Variants in NUP210 observed in about 807,000 individuals in gnomAD.
NUP210 encodes the protein nuclear pore membrane glycoprotein 210.
Under a neutral mutation model 196.0 loss-of-function variants are expected in NUP210, and 151 were observed. The observed-to-expected ratio is 0.77, with a 90% CI of 0.67 to 0.88. The LOEUF is 0.88. NUP210 is among the 40% of genes least tolerant of loss of function. The pLI is 0.00. For synonymous variants in NUP210, 1,070 were observed against 1,052.7 expected, an observed-to-expected ratio of 1.02 and a Z score of -0.32; for missense variants, 2,314 against 2,493.7, an observed-to-expected ratio of 0.93 and a Z score of 1.53.
In NUP210 at chr3:13,351,915, GACA is replaced by G; in HGVS notation, c.2796_2798del (p.Val933del). 1 of 1,613,898 alleles carries G rather than the reference GACA, an allele frequency of 6.2e-7. No homozygotes were observed. The highest frequency in any genetic ancestry group is 8.5e-7 in the Non-Finnish European group (1 of 1,179,830). Reference sequence around the variant, plus strand: ...CCCTGGCCTCCTGGTAGGCCACCTTGACAACATCTGCGGTGCTGGTGTTGAGGA... The same window carrying G: ...CCCTGGCCTCCTGGTAGGCCACCTTGACATCTGCGGTGCTGGTGTTGAGGA... On this transcript the variant is annotated inframe_deletion, in exon 20 of 40. Transcript: ENST00000254508.
chr3:13,328,885 T>C lies in NUP210; in HGVS notation c.4172A>G (p.Glu1391Gly). The C allele has an allele frequency of 6.2e-7, 1 of 1,613,942 alleles. No individual in the cohort carries two copies. Among genetic ancestry groups the C allele is most frequent in the East Asian group, 2.2e-5 (1 of 44,848 alleles). The stretch of plus-strand genomic sequence containing the variant: ...TCCCAAAGGCACGGCCACCAGGGCC[T>C]CCTTGTTCTGGGTGTGCAGGACAGG... ...MSPVLHTQNK[E>G]ALVAVPLGMT... The change falls in exon 31 of 40, where the codon GAG becomes GGG. Residue 1391 changes from glutamate (E) to glycine (G), a missense_variant. Coordinates refer to ENST00000254508, the MANE Select transcript of NUP210 (RefSeq NM_024923.4).
intron 5 of NUP210, 41 bp downstream of exon 5, chr3:13,388,262 A>T: frequency 6.5e-7 from 1 of 1,536,722 alleles, no homozygotes; most frequent in Non-Finnish European, 8.8e-7. Flanking sequence ...GCCTGATTCC[A>T]CCCCAGGAAG....
Position 13,353,594 on chromosome 3 carries a change from T to C in NUP210, c.2588A>G (p.Tyr863Cys). ...GGCAGAGCTGAGGTGGGACTCCTGGTAGCCAGTGGCAGTGGCAGTGATGGC... is the reference window on the plus strand; with the variant it reads ...GGCAGAGCTGAGGTGGGACTCCTGGCAGCCAGTGGCAGTGGCAGTGATGGC... ...TTAITATATGYQESHLSSART... is the reference protein window; with the variant it reads ...TTAITATATGCQESHLSSART... Residue 863 changes from tyrosine (Y) to cysteine (C), a missense_variant, in exon 18 of 40, where the codon TAC (tyrosine) becomes TGC (cysteine). By Grantham distance (194) the Tyr-to-Cys change is radical. Transcript: ENST00000254508. 3 of 1,614,120 alleles carry C rather than the reference T, an allele frequency of 1.9e-6. No homozygotes were observed. The highest frequency in any genetic ancestry group is 2.5e-6 in the Non-Finnish European group (3 of 1,179,994).
chr3:13,393,842 A>G (rs1699566344), intron 3 of NUP210, among the ~76,000 whole-genome samples: 1 of 152,206 alleles, frequency 6.6e-6, no homozygotes, highest in Non-Finnish European at 1.5e-5. Flanking sequence ...ATTAACCAGG[A>G]AAGCCAGGGA....
At chr3:13,317,971 C>T (rs547356010) in intron 39 of NUP210, among the ~76,000 whole-genome samples, 190 bp from the exon 40 acceptor site, 1 of 152,282 alleles carries the variant, frequency 6.6e-6, no homozygotes, top group Admixed American at 6.5e-5. Context: ...ACAGAGAGGC[C>T]TGGGATGCCA....
At position 13,321,668 on chromosome 3, in the gene NUP210, G is replaced by A; in HGVS notation, c.5083C>T (p.Gln1695Ter). Residue 1695 changes from glutamine to a stop codon, truncating the protein, a stop_gained, in exon 36 of 40, where the codon CAG becomes TAG. Transcript: ENST00000254508. LOFTEE classifies it high-confidence loss of function. ...VPFSPGLFAD[Q>*]AEILLSNHYT... Reference sequence around the variant, plus strand: ...TGGTTGCTCAAAAGGATTTCAGCCTGGTCGGCGAAGAGACCTGGGCTGAAG... The same window carrying A: ...TGGTTGCTCAAAAGGATTTCAGCCTAGTCGGCGAAGAGACCTGGGCTGAAG... The A allele has an allele frequency of 1.2e-6, 2 of 1,614,142 alleles. No homozygotes were observed. The highest frequency in any genetic ancestry group is 8.5e-7 in the Non-Finnish European group (1 of 1,180,030).
Position 13,323,534 on chromosome 3 carries a change from C to T in NUP210, c.4645-102G>A. On this transcript the variant is annotated intron_variant, in intron 33 of 39. Transcript: ENST00000254508. The surrounding 1 kb of genome is among the most constrained non-coding windows in gnomAD (Gnocchi z 4.3). The stretch of plus-strand genomic sequence containing the variant: ...CCTGCAGTCTGTGACATAGTGTCAC[C>T]CGTTTCACAGGTGGCAACACTGAGG... 7.4e-7 allele frequency: 1 copy of T among 1,357,036 alleles called. No individual in the cohort carries two copies. The highest frequency in any genetic ancestry group is 1.0e-6 in the Non-Finnish European group (1 of 979,512). The allele number at this position is 1,357,036 out of a possible 1,614,324, so 84.1% of individuals were successfully genotyped here.
Position 13,340,182 on chromosome 3 carries a change from C to A in NUP210, c.3291+54G>T, listed in dbSNP as rs1011580213. The A allele has an allele frequency of 1.2e-6, 2 of 1,610,292 alleles. No individual in the cohort carries two copies. The highest frequency in any genetic ancestry group is 1.7e-6 in the Non-Finnish European group (2 of 1,177,488). ...AGGGCCAGAGGCGGCGTGCCTGGAA[C>A]CAGGTGGTGGCCTGCACTGGGGCTG... On this transcript the variant is annotated intron_variant, in intron 24 of 39. Coordinates refer to ENST00000254508, the MANE Select transcript of NUP210 (RefSeq NM_024923.4). This position sits in a 1 kb window ranked among gnomAD's most constrained non-coding sequence, Gnocchi z 4.0.
rs750505629 is a variant in NUP210, at chr3:13,327,405, G to A, written c.4319C>T (p.Thr1440Ile). The A allele has an allele frequency of 3.1e-6, 5 of 1,613,058 alleles. No individual in the cohort carries two copies. Among genetic ancestry groups the A allele is most frequent in the Non-Finnish European group, 4.2e-6 (5 of 1,179,760 alleles). Reference sequence around the variant, plus strand: ...TGTGCGGACAACGCAGGTGTTGTTGGTGGGGCCCTTCCCGATCTGCACAAA... The same window carrying A: ...TGTGCGGACAACGCAGGTGTTGTTGATGGGGCCCTTCCCGATCTGCACAAA... Reference protein sequence around the residue: ...DDFVQIGKGPTNNTCVVRTVS... With the variant: ...DDFVQIGKGPINNTCVVRTVS... Residue 1440 changes from threonine to isoleucine, a missense_variant, in exon 32 of 40, where the codon ACC becomes ATC. Thr to Ile is a moderately conservative substitution (Grantham distance 89). Transcript: ENST00000254508.
intron 6 of NUP210, among the ~76,000 whole-genome samples, chr3:13,383,826 C>T (rs185745428): frequency 2.0e-5 from 3 of 151,762 alleles, no homozygotes; most frequent in Admixed American, 1.3e-4. Flanking sequence ...CGTGCCTGGC[C>T]GAGTGAGCTC....
intron 14 of NUP210, among the ~76,000 whole-genome samples, chr3:13,362,375 G>A (rs1294423575): frequency 6.6e-6 from 1 of 152,132 alleles, no homozygotes; most frequent in Non-Finnish European, 1.5e-5. Flanking sequence ...TTCAACATAT[G>A]TATTTTGTGG....
At chr3:13,384,204 G>A (rs796885150) in intron 6 of NUP210, among the ~76,000 whole-genome samples, 7 of 152,080 alleles carry the variant, frequency 4.6e-5, no homozygotes, top group Non-Finnish European at 8.8e-5. Flanking sequence ...CTCGTGATCC[G>A]CCCGCCTCAG....
intron 19 of NUP210, 40 bp from the exon 20 acceptor site, chr3:13,352,020 G>C (rs1363854814): frequency 2.5e-5 from 40 of 1,602,238 alleles, no homozygotes; most frequent in Non-Finnish European, 3.3e-5. Context: ...GCCGCATGTG[G>C]GAGGGCGAGG....
intron 39 of NUP210, among the ~76,000 whole-genome samples, chr3:13,318,004 G>C (rs1333400744): frequency 6.6e-6 from 1 of 152,184 alleles, no homozygotes; most frequent in African/African-American, 2.4e-5. Flanking sequence ...GGAGCGCAGA[G>C]CCTTCCGGGG....
chr3:13,322,881 C>T (rs1696597558), intron 34 of NUP210, among the ~76,000 whole-genome samples: 2 of 152,254 alleles, frequency 1.3e-5, no homozygotes, highest in South Asian at 2.1e-4. Context: ...TTATTTCTGG[C>T]AGCTGCTGTT....
At chr3:13,345,002 G>A in intron 20 of NUP210, 4 of 985,398 alleles carry the variant, frequency 4.1e-6, no homozygotes, top group Non-Finnish European at 4.8e-6. Flanking sequence ...GTGTTGATGG[G>A]ACCCACAGTG....
intron 13 of NUP210, 133 bp from the exon 14 acceptor site, chr3:13,366,224 G>T: frequency 1.2e-6 from 1 of 808,896 alleles, no homozygotes; most frequent in Admixed American, 2.8e-5. Flanking sequence ...CGCCTCCGGG[G>T]TTCAAGTGAT....
At chr3:13,329,140 A>G (rs1696894790) in intron 30 of NUP210, among the ~76,000 whole-genome samples, 194 bp from the exon 31 acceptor site, 1 of 152,180 alleles carries the variant, frequency 6.6e-6, no homozygotes, top group Non-Finnish European at 1.5e-5. Flanking sequence ...CAAGGTTCTT[A>G]CTTCCCAACA....
intron 1 of NUP210, among the ~76,000 whole-genome samples, chr3:13,413,126 G>A (rs1483044614): frequency 3.9e-5 from 6 of 151,918 alleles, no homozygotes; most frequent in South Asian, 4.2e-4. Context: ...TTAGCCAGGC[G>A]TGTTGGCACA....
Sources: allele counts gnomAD v4.1 joint callset (sites outside exome capture counted in the v4.1 genomes callset), GRCh38; gene constraint gnomAD v4.1.1; non-coding constraint Gnocchi (gnomAD v3.1); transcripts MANE v1.5; gene names NCBI Gene and HGNC (gene_info 2026-07-23, HGNC 2026-07-21).